SAMSN1: variants seen among roughly 807,000 people sequenced by gnomAD.
The protein encoded by SAMSN1 is SAM domain-containing protein SAMSN-1.
Under a neutral mutation model 42.0 loss-of-function variants are expected in SAMSN1, and 31 were observed. The ratio of observed to expected loss-of-function variants is 0.74; its 90% CI spans 0.55 to 1.00. The LOEUF (loss-of-function observed/expected upper bound fraction) is 1.00. SAMSN1 is among the 50% of genes least tolerant of loss of function. The pLI, the probability that SAMSN1 is intolerant of heterozygous loss-of-function variation, is 0.00. For synonymous variants in SAMSN1, 178 were observed against 151.9 expected (o/e 1.17, Z -1.26); for missense variants, 464 against 439.4 (o/e 1.06, Z -0.50).
At chr21:14,537,283 G>A (rs1040011719) in intron 1 of SAMSN1, among the ~76,000 whole-genome samples, 1 of 152,090 alleles carries the variant, frequency 6.6e-6, no homozygotes, top group African/African-American at 2.4e-5. Flanking sequence ...CCCAAGACCA[G>A]CTCCTTCACT....
At chr21:14,602,224 T>A in intron 5 of SAMSN1, 1 of 349,762 alleles carries the variant, frequency 2.9e-6, no homozygotes, top group Non-Finnish European at 5.2e-6. Flanking sequence ...ACGTCAAAAA[T>A]ATTTTTTTTT....
intron 5 of SAMSN1, among the ~76,000 whole-genome samples, chr21:14,509,139 A>AAAAAG (rs146115046): frequency 0.022 from 3,398 of 151,240 alleles, 75 homozygotes; most frequent in South Asian, 0.11. Flanking sequence ...AAAGAAAAGA[A>AAAAAG]AAAAGAAAAG....
chr21:14,522,643 T>C (rs1404233292), intron 1 of SAMSN1, among the ~76,000 whole-genome samples: 1 of 152,200 alleles, frequency 6.6e-6, no homozygotes, highest in Non-Finnish European at 1.5e-5. Context: ...AAATAACAAG[T>C]TCCTGTGATC....
chr21:14,533,446 T>C (rs1238767324), intron 1 of SAMSN1, among the ~76,000 whole-genome samples: 1 of 152,238 alleles, frequency 6.6e-6, no homozygotes, highest in Non-Finnish European at 1.5e-5. Context: ...TATTTAATTG[T>C]ATTCATTTTC....
chr21:14,490,927 C>A (rs1338393665), intron 7 of SAMSN1, among the ~76,000 whole-genome samples: 1 of 152,146 alleles, frequency 6.6e-6, no homozygotes, highest in African/African-American at 2.4e-5. Flanking sequence ...ATCACGATAA[C>A]TCAGCACCTA....
At chr21:14,531,142 G>A (rs1415191156) in intron 1 of SAMSN1, among the ~76,000 whole-genome samples, 1 of 152,056 alleles carries the variant, frequency 6.6e-6, no homozygotes, top group Non-Finnish European at 1.5e-5. Context: ...TATTGAAGAT[G>A]ATGGTTTAAA....
intron 2 of SAMSN1, among the ~76,000 whole-genome samples, chr21:14,629,656 C>T (rs1381556981): frequency 6.6e-6 from 1 of 152,130 alleles, no homozygotes; most frequent in Non-Finnish European, 1.5e-5. Flanking sequence ...GGTCCTGTAG[C>T]TTATAGCGCC....
At chr21:14,639,478 G>A (rs1475986395) in intron 2 of SAMSN1, among the ~76,000 whole-genome samples, 1 of 152,066 alleles carries the variant, frequency 6.6e-6, no homozygotes, top group Non-Finnish European at 1.5e-5. Flanking sequence ...TCATGATAAC[G>A]ACATTAATCC....
chr21:14,575,158 T>C (rs1356617234), intron 2 of SAMSN1, among the ~76,000 whole-genome samples: 2 of 152,176 alleles, frequency 1.3e-5, no homozygotes, highest in East Asian at 1.9e-4. Context: ...AGTGAATGAA[T>C]GGATAAATGA....
At chr21:14,581,508 G>A (rs944482458) in intron 2 of SAMSN1, among the ~76,000 whole-genome samples, 9 of 150,786 alleles carry the variant, frequency 6.0e-5, no homozygotes, top group African/African-American at 2.0e-4. Flanking sequence ...ACAGGTGCCC[G>A]CCACCACGCC....
intron 5 of SAMSN1, among the ~76,000 whole-genome samples, chr21:14,604,392 A>T (rs1982513022): frequency 6.6e-6 from 1 of 152,058 alleles, no homozygotes; most frequent in Non-Finnish European, 1.5e-5. Context: ...AGTGGAAGTA[A>T]TATTTTGTGA....
chr21:14,587,700 C>A (rs1981958821), upstream of SAMSN1, among the ~76,000 whole-genome samples: 1 of 152,016 alleles, frequency 6.6e-6, no homozygotes, highest in African/African-American at 2.4e-5. Flanking sequence ...CTCACATATC[C>A]AACTATGTAT....
chr21:14,488,585 G>A (rs541543043), intron 7 of SAMSN1, among the ~76,000 whole-genome samples: 1 of 152,244 alleles, frequency 6.6e-6, no homozygotes, highest in East Asian at 1.9e-4. Flanking sequence ...ATATGTCATT[G>A]TGTAATATTA....
intron 1 of SAMSN1, among the ~76,000 whole-genome samples, chr21:14,647,959 C>T (rs1279581350): frequency 6.6e-6 from 1 of 151,052 alleles, no homozygotes; most frequent in Non-Finnish European, 1.5e-5. Context: ...TCCTCTTTTC[C>T]TAATTGAATA....
chr21:14,649,956 T>C (rs1409373288), intron 1 of SAMSN1, among the ~76,000 whole-genome samples: 1 of 152,164 alleles, frequency 6.6e-6, no homozygotes, highest in Non-Finnish European at 1.5e-5. Context: ...AGGTCACTAT[T>C]TAATGATAAA....
rs1040562406 is a variant in SAMSN1, at chr21:14,516,800, C to T, written c.279+92G>A. 4.7e-6 allele frequency: 5 copies of T among 1,058,930 alleles called. No homozygotes were observed. The African/African-American group carries it at 6.5e-5, about 14-fold the overall frequency. 65.6% of individuals were successfully genotyped at this position (1,058,930 alleles called of 1,614,324 possible). On this transcript the variant is annotated intron_variant, in intron 3 of 7. Coordinates refer to ENST00000400566, the MANE Select transcript of SAMSN1 (RefSeq NM_022136.5). ...GAGGAAGAAAACAAATGCTTAAGTACTTCATAAAGTACCAAGCACTTCTAT... is the reference window on the plus strand; with the variant it reads ...GAGGAAGAAAACAAATGCTTAAGTATTTCATAAAGTACCAAGCACTTCTAT...
chr21:14,569,848 A>T (rs1213711163), intron 2 of SAMSN1, among the ~76,000 whole-genome samples: 1 of 152,196 alleles, frequency 6.6e-6, no homozygotes, highest in Non-Finnish European at 1.5e-5. Flanking sequence ...TGGCCTCAAA[A>T]TATGATGGTT....
intron 2 of SAMSN1, among the ~76,000 whole-genome samples, chr21:14,573,978 G>A (rs1301665995): frequency 6.6e-6 from 1 of 150,502 alleles, no homozygotes; most frequent in Non-Finnish European, 1.5e-5. Context: ...ATATTTCTTT[G>A]CAATAAAAGA....
intron 7 of SAMSN1, chr21:14,593,772 G>A (rs1194315985): frequency 6.4e-6 from 2 of 314,308 alleles, no homozygotes; most frequent in East Asian, 5.0e-5. Context: ...CTAAATTTTA[G>A]GGAAAATTTT....
Sources: allele counts gnomAD v4.1 joint callset (sites outside exome capture counted in the v4.1 genomes callset), GRCh38; gene constraint gnomAD v4.1.1; transcripts MANE v1.5; gene names NCBI Gene and HGNC (gene_info 2026-07-23, HGNC 2026-07-21).